MAPRE1: variants seen among roughly 807,000 people sequenced by gnomAD.
The protein encoded by MAPRE1 is microtubule-associated protein RP/EB family member 1.
A neutral mutation model predicts 32.1 loss-of-function variants in MAPRE1; 5 were observed. The ratio of observed to expected loss-of-function variants is 0.16; its 90% CI spans 0.08 to 0.33. The LOEUF (loss-of-function observed/expected upper bound fraction) is 0.33. Among genes scored for constraint, MAPRE1 ranks in the 10% least tolerant of loss-of-function variants. The pLI is 1.00. For missense variants in MAPRE1, 209 were observed against 327.2 expected, an observed-to-expected ratio of 0.64 and a Z score of 2.79; for synonymous variants, 122 against 118.9, an observed-to-expected ratio of 1.03 and a Z score of -0.17.
Position 32,825,789 on chromosome 20 carries a change from C to CAAAATAAAAT in MAPRE1, c.-3-115_-3-106dup, listed in dbSNP as rs201982572. On this transcript the variant is annotated intron_variant, in intron 1 of 6. Transcript: ENST00000375571. ...TGGGCGACAGAGTGAGACTCTGTCTCAAAATAAAATAAAATAAAATAAAAT... is the reference window on the plus strand; with the variant it reads ...TGGGCGACAGAGTGAGACTCTGTCTCAAAATAAAATAAAATAAAATAAAATAAAATAAAAT... The CAAAATAAAAT allele has an allele frequency of 1.2e-4, 78 of 627,408 alleles. No homozygotes were observed. The East Asian group carries it at 2.5e-3, about 20-fold the overall frequency. The allele number at this position is 627,408 out of a possible 1,614,324, so 38.9% of individuals were successfully genotyped here. A position where few individuals can be genotyped will look rare whatever the true frequency, so the allele number is the denominator to read the frequency against.
rs545441070 is a variant in MAPRE1, at chr20:32,830,884, C to T, written c.122-2833C>T. Among the ~76,000 whole-genome samples the T allele has an allele frequency of 1.1e-4, 17 of 152,166 alleles. 1 individual carries two copies. In the East Asian group the frequency reaches 1.2e-3, roughly 10 times the overall value. ...GACTACAGGCGCCCGCCACCACACC[C>T]GGCTAATTTTTTTGTATTTTTAGTA... On this transcript the variant is annotated intron_variant, in intron 2 of 6. Transcript: ENST00000375571.
At chr20:32,847,919 T>C (rs541316667) in intron 6 of MAPRE1, among the ~76,000 whole-genome samples, 1 of 152,264 alleles carries the variant, frequency 6.6e-6, no homozygotes, top group East Asian at 1.9e-4. Flanking sequence ...ATATTTTGGG[T>C]AAAGCATGGC....
chr20:32,833,714 C>T lies in MAPRE1; in HGVS notation c.122-3C>T. On this transcript the variant is annotated splice_region_variant and splice_polypyrimidine_tract_variant and intron_variant, in intron 2 of 6. Coordinates refer to ENST00000375571, the MANE Select transcript of MAPRE1 (RefSeq NM_012325.3). ...TATTTTTCTGTTGCCGTTGTTCTTT[C>T]AGGGGCTGCGTATTGTCAGTTTATG... 4 of 1,608,332 alleles carry T rather than the reference C, an allele frequency of 2.5e-6. No homozygotes were observed. The highest frequency in any genetic ancestry group is 3.4e-6 in the Non-Finnish European group (4 of 1,177,090).
At chr20:32,848,435 A>G (rs1207218163) in intron 6 of MAPRE1, among the ~76,000 whole-genome samples, 1 of 152,244 alleles carries the variant, frequency 6.6e-6, no homozygotes, top group East Asian at 1.9e-4. Context: ...TTACCACCAT[A>G]ATGAAGACAA....
chr20:32,820,301 G>A (rs1982655658), intron 1 of MAPRE1, among the ~76,000 whole-genome samples: 2 of 152,058 alleles, frequency 1.3e-5, no homozygotes, highest in Admixed American at 6.5e-5. Context: ...GCTGAGGTGT[G>A]GTCCCTGCGC....
rs532501160 is a variant in MAPRE1 at position 32,826,403 on chromosome 20, G to A, written c.121+355G>A. 3.2e-3 allele frequency among the ~76,000 whole-genome samples: 483 copies of A among 150,580 alleles called. 1 individual carries two copies. Among genetic ancestry groups the A allele is most frequent in the Non-Finnish European group, 4.2e-3 (284 of 67,798 alleles). ...GGCTAATTTTTTTGTATTTTTTTTA[G>A]TGGAGATGGGGTTTCACCGTGTTAG... is the stretch of plus-strand genomic sequence containing the variant. On this transcript the variant is annotated intron_variant, in intron 2 of 6. Coordinates refer to ENST00000375571, the MANE Select transcript of MAPRE1 (RefSeq NM_012325.3).
intron 2 of MAPRE1, among the ~76,000 whole-genome samples, chr20:32,832,682 G>A (rs538891331): frequency 1.3e-5 from 2 of 151,934 alleles, no homozygotes; most frequent in South Asian, 4.2e-4. Flanking sequence ...TGCCCAGGCT[G>A]TTCTCGAACT....
intron 2 of MAPRE1, 134 bp from the exon 3 acceptor site, chr20:32,833,583 A>T: frequency 2.9e-6 from 2 of 692,168 alleles, no homozygotes; most frequent in South Asian, 4.3e-5. Flanking sequence ...TTGACTTCAC[A>T]TGAAGTTAGT....
At chr20:32,846,883 T>A in intron 6 of MAPRE1, 113 bp downstream of exon 6, 2 of 1,189,798 alleles carry the variant, frequency 1.7e-6, no homozygotes, top group Non-Finnish European at 2.4e-6. Context: ...ACTTCATCTT[T>A]AACCCCTCAA....
At chr20:32,835,362 G>GTTTTT (rs1198541946) in intron 3 of MAPRE1, among the ~76,000 whole-genome samples, 10 of 60,998 alleles carry the variant, frequency 1.6e-4, no homozygotes, top group East Asian at 3.7e-3. Flanking sequence ...GTTTTTATTG[G>GTTTTT]TGTTTTTTTT....
chr20:32,848,538 TA>T, intron 6 of MAPRE1, 133 bp from the exon 7 acceptor site: 1 of 526,706 alleles, frequency 1.9e-6, no homozygotes, highest in Non-Finnish European at 3.3e-6. Context: ...ACCCAAGAAA[TA>T]AAATAGCAGT....
chr20:32,820,259 C>T (rs1223770181), intron 1 of MAPRE1, among the ~76,000 whole-genome samples: 2 of 149,872 alleles, frequency 1.3e-5, no homozygotes, highest in East Asian at 2.0e-4. Flanking sequence ...AAGTGGGCTG[C>T]TGCTACGCGG....
At chr20:32,841,679 A>C (rs991207898) in intron 5 of MAPRE1, among the ~76,000 whole-genome samples, 5 of 129,268 alleles carry the variant, frequency 3.9e-5, no homozygotes, top group African/African-American at 1.5e-4. Context: ...ATGTGTTCTC[A>C]TCCGCTCAGC....
chr20:32,833,902 AATG>A (rs774850260), intron 3 of MAPRE1, 40 bp downstream of exon 3: 72 of 1,578,488 alleles, frequency 4.6e-5, no homozygotes, highest in Non-Finnish European at 5.7e-5. Context: ...AATGTTCCTT[AATG>A]ATCGTTACTA....
At position 32,836,785 on chromosome 20, in the gene MAPRE1, C is replaced by T. The variant is rs1253591952; in HGVS notation, c.419C>T (p.Ser140Phe). Reference protein sequence around the residue: ...RQGQETAVAPSLVAPALNKPK... With the variant: ...RQGQETAVAPFLVAPALNKPK... ...GGTCAAGAAACTGCAGTGGCTCCTTCCCTTGTTGCTCCAGCTCTGAATAAA... is the reference window on the plus strand; with the variant it reads ...GGTCAAGAAACTGCAGTGGCTCCTTTCCTTGTTGCTCCAGCTCTGAATAAA... The change falls in exon 4 of 7, where the codon TCC becomes TTC. Residue 140 changes from serine to phenylalanine, a missense_variant. Around this residue, in one of 3 missense-constraint regions of MAPRE1, gnomAD observed 106 missense variants for 115.3 expected, o/e 0.92. Transcript: ENST00000375571. 1 of 1,614,188 alleles carries T rather than the reference C, an allele frequency of 6.2e-7. No homozygotes were observed. The highest frequency in any genetic ancestry group is 8.5e-7 in the Non-Finnish European group (1 of 1,180,028).
intron 1 of MAPRE1, among the ~76,000 whole-genome samples, chr20:32,821,308 G>T (rs573381497): frequency 6.6e-6 from 1 of 152,162 alleles, no homozygotes; most frequent in Non-Finnish European, 1.5e-5. Context: ...GAGCCACCGC[G>T]CCTGGCAAGA....
At chr20:32,835,686 A>G (rs1335751030) in intron 3 of MAPRE1, among the ~76,000 whole-genome samples, 1 of 150,086 alleles carries the variant, frequency 6.7e-6, no homozygotes, top group Admixed American at 6.6e-5. Context: ...GCTCACTGCA[A>G]CCTCCACCTC....
At chr20:32,844,504 TCC>T (rs1298213138) in intron 5 of MAPRE1, among the ~76,000 whole-genome samples, 1 of 119,212 alleles carries the variant, frequency 8.4e-6, no homozygotes, top group East Asian at 2.9e-4. Flanking sequence ...AACTTCCGCC[TCC>T]CGGGTTCAAG....
chr20:32,837,759 A>G (rs1983241333), intron 4 of MAPRE1, among the ~76,000 whole-genome samples: 1 of 152,220 alleles, frequency 6.6e-6, no homozygotes, highest in Non-Finnish European at 1.5e-5. Context: ...TATCACCACA[A>G]TCAATTTTAG....
Sources: allele counts gnomAD v4.1 joint callset (sites outside exome capture counted in the v4.1 genomes callset), GRCh38; gene constraint gnomAD v4.1.1; regional missense constraint gnomAD v4.1.1; transcripts MANE v1.5; gene names NCBI Gene and HGNC (gene_info 2026-07-23, HGNC 2026-07-21).